The following MCMDC2 variants were observed in gnomAD, a reference collection of about 807,000 sequenced individuals.
The protein encoded by MCMDC2 is minichromosome maintenance domain-containing protein 2.
In MCMDC2, 54 loss-of-function variants were observed where a neutral mutation model predicts 75.8. The ratio of observed to expected loss-of-function variants is 0.71; its 90% CI spans 0.57 to 0.89. MCMDC2 has a LOEUF of 0.89. Among genes scored for constraint, MCMDC2 ranks in the 40% least tolerant of loss-of-function variants. MCMDC2 has a pLI of 0.00. For missense variants in MCMDC2, 656 were observed against 780.4 expected, an observed-to-expected ratio of 0.84 and a Z score of 1.90; for synonymous variants, 249 against 274.6, an observed-to-expected ratio of 0.91 and a Z score of 0.92.
Position 66,883,998 on chromosome 8 carries a change from T to C in MCMDC2, c.1073+4T>C, listed in dbSNP as rs755845389. 1.9e-6 allele frequency: 3 copies of C among 1,564,806 alleles called. No homozygotes were observed. In the Admixed American group the frequency reaches 5.0e-5, roughly 26 times the overall value. Reference sequence around the variant, plus strand: ...GTGATACTCTACTCATAGACAGGTATATATGTGACATGAATTTTTACAAAT... The same window carrying C: ...GTGATACTCTACTCATAGACAGGTACATATGTGACATGAATTTTTACAAAT... On this transcript the variant is annotated splice_donor_region_variant and intron_variant, in intron 9 of 14. Coordinates refer to ENST00000422365, the MANE Select transcript of MCMDC2 (RefSeq NM_173518.5).
intron 14 of MCMDC2, among the ~76,000 whole-genome samples, chr8:66,914,418 C>T (rs1257623638): frequency 6.6e-6 from 1 of 152,048 alleles, no homozygotes; most frequent in African/African-American, 2.4e-5. Flanking sequence ...TTAGGGAGAC[C>T]TCTCTAAGGA....
rs1054916010 is a variant in MCMDC2, at chr8:66,875,982, A to G, written c.286-1367A>G. 9.2e-5 allele frequency among the ~76,000 whole-genome samples: 14 copies of G among 152,344 alleles called. No individual in the cohort carries two copies. In the East Asian group the frequency reaches 2.3e-3, roughly 25 times the overall value. On this transcript the variant is annotated intron_variant, in intron 4 of 14. Coordinates refer to ENST00000422365, the MANE Select transcript of MCMDC2 (RefSeq NM_173518.5). The stretch of plus-strand genomic sequence containing the variant: ...GATTCAAATCACTTGACAAGAATAC[A>G]TAATAGTATAATGTATTACATATTG...
chr8:66,905,190 C>T (rs2130854989), intron 13 of MCMDC2, 36 bp from the exon 14 acceptor site: 2 of 1,354,572 alleles, frequency 1.5e-6, no homozygotes, highest in Admixed American at 3.3e-5. Flanking sequence ...TTTATAATAT[C>T]AACATATTTT....
chr8:66,911,226 A>C (rs867168251), intron 14 of MCMDC2, among the ~76,000 whole-genome samples: 3 of 152,172 alleles, frequency 2.0e-5, no homozygotes, highest in Non-Finnish European at 4.4e-5. Context: ...AATGAAGGTA[A>C]CTGAATCATG....
chr8:66,918,399 T>G (rs1585919474), intron 14 of MCMDC2, among the ~76,000 whole-genome samples: 1 of 152,204 alleles, frequency 6.6e-6, no homozygotes. Context: ...TTTTGGTGCC[T>G]GTACTTTTGA....
chr8:66,887,421 G>A (rs1005615003), intron 9 of MCMDC2, among the ~76,000 whole-genome samples: 7 of 151,748 alleles, frequency 4.6e-5, no homozygotes, highest in Admixed American at 4.6e-4. Context: ...GCATAGTGGT[G>A]CGTGCCTGTA....
chr8:66,919,365 C>A lies in MCMDC2; in HGVS notation c.*196C>A. The A allele has an allele frequency of 2.7e-6, 1 of 374,812 alleles. No individual in the cohort carries two copies. Among genetic ancestry groups the A allele is most frequent in the South Asian group, 7.8e-5 (1 of 12,788 alleles). The allele number at this position is 374,812 out of a possible 1,614,324, so 23.2% of individuals were successfully genotyped here. ...TAAATACTAATCCAAACCTCTAAAA[C>A]CAACAGAATTTTAAAACTTAGAACA... On this transcript the variant is annotated 3_prime_UTR_variant, in exon 15 of 15. Coordinates refer to ENST00000422365, the MANE Select transcript of MCMDC2 (RefSeq NM_173518.5).
intron 10 of MCMDC2, among the ~76,000 whole-genome samples, chr8:66,891,864 C>A (rs1472229189): frequency 2.6e-5 from 4 of 152,170 alleles, no homozygotes; most frequent in Admixed American, 2.6e-4. Context: ...GGCACAGGTG[C>A]TGGCTTCATG....
intron 5 of MCMDC2, among the ~76,000 whole-genome samples, chr8:66,878,105 T>TGTGA (rs1265964618): frequency 6.6e-6 from 1 of 152,158 alleles, no homozygotes; most frequent in African/African-American, 2.4e-5. Flanking sequence ...TTCATGACGT[T>TGTGA]GTGAGTGAAA....
intron 14 of MCMDC2, among the ~76,000 whole-genome samples, chr8:66,911,843 T>A (rs2130865369): frequency 6.6e-6 from 1 of 151,502 alleles, no homozygotes; most frequent in Admixed American, 6.6e-5. Flanking sequence ...AAAAAAGGAT[T>A]CCCTTCAAAA....
chr8:66,871,318 T>C (rs963220734), intron 1 of MCMDC2, among the ~76,000 whole-genome samples: 4 of 152,102 alleles, frequency 2.6e-5, no homozygotes, highest in African/African-American at 9.7e-5. Context: ...AAGGGAACTT[T>C]TCCTCATGTC....
At chr8:66,917,410 A>T (rs1022159154) in intron 14 of MCMDC2, among the ~76,000 whole-genome samples, 1 of 152,204 alleles carries the variant, frequency 6.6e-6, no homozygotes, top group African/African-American at 2.4e-5. Context: ...AATTGAAGTA[A>T]AATATAAAAT....
At chr8:66,878,995 C>A in intron 7 of MCMDC2, 76 bp downstream of exon 7, 1 of 859,268 alleles carries the variant, frequency 1.2e-6, no homozygotes, top group Non-Finnish European at 1.9e-6. Flanking sequence ...CTGGCTCATG[C>A]CTGTAATCCC....
chr8:66,891,145 A>C (rs1252763567), intron 10 of MCMDC2, 75 bp downstream of exon 10: 2 of 1,253,512 alleles, frequency 1.6e-6, no homozygotes, highest in African/African-American at 3.1e-5. Flanking sequence ...CTTAACAGTT[A>C]AGATAGTATT....
chr8:66,892,519 A>G (rs1812156686), intron 10 of MCMDC2, among the ~76,000 whole-genome samples: 1 of 152,200 alleles, frequency 6.6e-6, no homozygotes, highest in South Asian at 2.1e-4. Flanking sequence ...GGAGACCTGA[A>G]GTGGGTAGCT....
intron 1 of MCMDC2, chr8:66,871,595 A>G (rs2130781702): frequency 6.6e-6 from 1 of 152,188 alleles, no homozygotes; most frequent in East Asian, 1.9e-4. Flanking sequence ...CCTACTTTCC[A>G]CATTGGCAGC....
At chr8:66,909,340 C>T (rs537994265) in intron 14 of MCMDC2, among the ~76,000 whole-genome samples, 7 of 152,130 alleles carry the variant, frequency 4.6e-5, no homozygotes, top group East Asian at 3.9e-4. Context: ...GCAGAGAGTG[C>T]GGTGCTGCTA....
Position 66,881,123 on chromosome 8 carries a change from A to G in MCMDC2, c.835+149A>G, listed in dbSNP as rs1811538495. 3 of 555,724 alleles carry G rather than the reference A, an allele frequency of 5.4e-6. No individual in the cohort carries two copies. In the South Asian group the frequency reaches 2.3e-4, roughly 43 times the overall value. 34.4% of individuals were successfully genotyped at this position (555,724 alleles called of 1,614,324 possible). ...CAGGACAGTCAAGGTTTCTGTTCTT[A>G]AGTCACATGGCAGACAGTCAATATA... On this transcript the variant is annotated intron_variant, in intron 8 of 14. Coordinates refer to ENST00000422365, the MANE Select transcript of MCMDC2 (RefSeq NM_173518.5).
chr8:66,918,262 T>C (rs1267721553), intron 14 of MCMDC2, among the ~76,000 whole-genome samples: 3 of 148,752 alleles, frequency 2.0e-5, no homozygotes, highest in African/African-American at 4.8e-5. Flanking sequence ...TGTAGATTTA[T>C]AGACCCCTTT....
Sources: allele counts gnomAD v4.1 joint callset (sites outside exome capture counted in the v4.1 genomes callset), GRCh38; gene constraint gnomAD v4.1.1; transcripts MANE v1.5; gene names NCBI Gene and HGNC (gene_info 2026-07-23, HGNC 2026-07-21).